The following BICC1 variants were observed in gnomAD, a reference collection of about 807,000 sequenced individuals.
BICC1 encodes the protein BicC family RNA binding protein 1.
Under a neutral mutation model 111.0 loss-of-function variants are expected in BICC1, and 43 were observed. The ratio of observed to expected loss-of-function variants is 0.39; its 90% CI spans 0.30 to 0.50. The LOEUF (loss-of-function observed/expected upper bound fraction) is 0.50, where lower values mean the gene tolerates loss of function less well. Ranked by LOEUF, BICC1 falls within the 20% of genes least tolerant of loss-of-function variation. The pLI is 0.88. For missense variants in BICC1, 1,091 were observed against 1,203.2 expected, an observed-to-expected ratio of 0.91 and a Z score of 1.38; for synonymous variants, 467 against 434.4, an observed-to-expected ratio of 1.07 and a Z score of -0.93.
intron 1 of BICC1, among the ~76,000 whole-genome samples, chr10:58,618,384 T>C (rs1340772719): frequency 6.6e-6 from 1 of 152,252 alleles, no homozygotes; most frequent in Non-Finnish European, 1.5e-5. Context: ...CATTAGGTGA[T>C]CACCCATGTG....
chr10:58,583,396 C>A (rs1000252735), intron 1 of BICC1, among the ~76,000 whole-genome samples: 13 of 150,932 alleles, frequency 8.6e-5, no homozygotes, highest in African/African-American at 2.7e-4. Flanking sequence ...TCCCCAAAGT[C>A]CATTATAACA....
At chr10:58,704,016 C>T (rs1364570590) in intron 3 of BICC1, among the ~76,000 whole-genome samples, 1 of 152,170 alleles carries the variant, frequency 6.6e-6, no homozygotes, top group African/African-American at 2.4e-5. Context: ...CAACATTAGA[C>T]ATTTCAGAAA....
At chr10:58,613,437 T>C (rs1376478835) in intron 1 of BICC1, among the ~76,000 whole-genome samples, 1 of 152,210 alleles carries the variant, frequency 6.6e-6, no homozygotes, top group African/African-American at 2.4e-5. Flanking sequence ...AATCAAACTT[T>C]AAAGGTCAAG....
intron 2 of BICC1, among the ~76,000 whole-genome samples, chr10:58,701,168 A>G (rs190845043): frequency 5.9e-5 from 9 of 152,302 alleles, no homozygotes; most frequent in Admixed American, 4.6e-4. Context: ...CTCAATCCAT[A>G]TTAAAGATAA....
In BICC1 at chr10:58,648,597, C is replaced by T. The variant is rs940633971; in HGVS notation, c.237+27696C>T. 3.1e-6 allele frequency: 3 copies of T among 981,538 alleles called. No individual in the cohort carries two copies. The African/African-American group carries it at 5.3e-5, about 17-fold the overall frequency. The allele number at this position is 981,538 out of a possible 1,614,324, so 60.8% of individuals were successfully genotyped here. Reference sequence around the variant, plus strand: ...GTATGTTTAGTGCCTCTCTCTCTCTCTTTCTCTCTCTCTTTCTCTCTTACA... The same window carrying T: ...GTATGTTTAGTGCCTCTCTCTCTCTTTTTCTCTCTCTCTTTCTCTCTTACA... On this transcript the variant is annotated intron_variant, in intron 2 of 20. Transcript: ENST00000373886.
At chr10:58,804,101 C>A (rs1486363994) in intron 15 of BICC1, among the ~76,000 whole-genome samples, 1 of 152,180 alleles carries the variant, frequency 6.6e-6, no homozygotes, top group African/African-American at 2.4e-5. Flanking sequence ...CCAGTGCAAT[C>A]TGCAGTTTAG....
intron 2 of BICC1, among the ~76,000 whole-genome samples, chr10:58,685,730 T>G (rs1343166360): frequency 2.6e-5 from 4 of 152,220 alleles, no homozygotes; most frequent in Non-Finnish European, 5.9e-5. Context: ...TAGATCTCCC[T>G]CCATCCCTTT....
At chr10:58,682,416 A>T (rs1240915277) in intron 2 of BICC1, among the ~76,000 whole-genome samples, 1 of 152,098 alleles carries the variant, frequency 6.6e-6, no homozygotes, top group Non-Finnish European at 1.5e-5. Flanking sequence ...TGGTATTTCT[A>T]GTTCTAGATC....
rs1842146044 is a variant in BICC1, at chr10:58,513,302, G to C, written c.159G>C (p.Val53=). 6.2e-7 allele frequency: 1 copy of C among 1,610,116 alleles called. No individual in the cohort carries two copies. The highest frequency in any genetic ancestry group is 1.3e-5 in the African/African-American group (1 of 74,820). Residue 53 remains valine (V), a synonymous_variant, in exon 1 of 21, where the codon GTG becomes GTC. Transcript: ENST00000373886. ...AGTGGAGCGAGGAGCGCTTCCGCGT[G>C]GACAGGAAGAAACTTGAGGCCATGT... ...SPEWSEERFR[V]DRKKLEAMLQ... is the part of the protein sequence containing the mutation.
At chr10:58,712,612 T>C (rs1310648680) in intron 3 of BICC1, among the ~76,000 whole-genome samples, 1 of 152,210 alleles carries the variant, frequency 6.6e-6, no homozygotes, top group African/African-American at 2.4e-5. Context: ...CTGGAAAGGC[T>C]ACATACTTTA....
intron 19 of BICC1, among the ~76,000 whole-genome samples, chr10:58,819,784 A>T (rs144163603): frequency 2.6e-5 from 4 of 152,090 alleles, no homozygotes; most frequent in Admixed American, 6.6e-5. Context: ...TCTTTAAAGG[A>T]AGGTGGGGGA....
chr10:58,600,196 CT>C (rs1265510968), intron 1 of BICC1, among the ~76,000 whole-genome samples: 4 of 152,102 alleles, frequency 2.6e-5, no homozygotes, highest in Admixed American at 1.3e-4. Flanking sequence ...CCAGCCCTTA[CT>C]GTTACAACAT....
rs61590839 is a variant in BICC1, at chr10:58,719,512, C to CT, written c.307+17381dup. Among the ~76,000 whole-genome samples, 619 of 146,900 alleles carry CT rather than the reference C, an allele frequency of 4.2e-3. 13 individuals carry two copies. The highest frequency in any genetic ancestry group is 0.015 in the African/African-American group (588 of 40,230). On this transcript the variant is annotated intron_variant, in intron 3 of 20. Transcript: ENST00000373886. ...TTCATGCTTACATTTGGGCACTTTT[C>CT]TTTTTTTTTTTTGAGACGGAGTCTC...
At chr10:58,529,480 T>C (rs761631140) in intron 1 of BICC1, among the ~76,000 whole-genome samples, 1 of 151,986 alleles carries the variant, frequency 6.6e-6, no homozygotes, top group Non-Finnish European at 1.5e-5. Context: ...GATCCCTTTA[T>C]CATGAGCTTT....
intron 1 of BICC1, among the ~76,000 whole-genome samples, chr10:58,538,133 C>T (rs1213351437): frequency 6.6e-6 from 1 of 151,556 alleles, no homozygotes; most frequent in Non-Finnish European, 1.5e-5. Context: ...ATAAAATTCA[C>T]ATGGAACCAA....
chr10:58,545,932 T>C (rs1361561776), intron 1 of BICC1, among the ~76,000 whole-genome samples: 4 of 152,036 alleles, frequency 2.6e-5, no homozygotes, highest in African/African-American at 9.7e-5. Context: ...GCTCTGGAGG[T>C]TGGGAGGGAT....
chr10:58,537,074 AAAAC>A (rs138814128), intron 1 of BICC1, among the ~76,000 whole-genome samples: 13,370 of 151,516 alleles, frequency 0.088, 676 homozygotes, highest in Middle Eastern at 0.12. Context: ...ACAAACCAAA[AAAAC>A]AAACCTGTCA....
At position 58,766,639 on chromosome 10, in the gene BICC1, A is replaced by G. The variant is rs539420412; in HGVS notation, c.308-18362A>G. Among the ~76,000 whole-genome samples, 13 of 152,184 alleles carry G rather than the reference A, an allele frequency of 8.5e-5. No individual in the cohort carries two copies. The South Asian group carries it at 2.7e-3, about 32-fold the overall frequency. On this transcript the variant is annotated intron_variant, in intron 3 of 20. Transcript: ENST00000373886. Reference sequence around the variant, plus strand: ...TCATGGACAAGAGTACCTTTGTGGGAGTCTGAGAGTCTAGCAGAGAAGTTC... The same window carrying G: ...TCATGGACAAGAGTACCTTTGTGGGGGTCTGAGAGTCTAGCAGAGAAGTTC...
At chr10:58,551,965 G>T (rs910106372) in intron 1 of BICC1, among the ~76,000 whole-genome samples, 2 of 35,670 alleles carry the variant, frequency 5.6e-5, no homozygotes, top group African/African-American at 2.1e-4. Context: ...AGTTTTTTTT[G>T]GGGGGGGATA....
Sources: gnomAD v4.1 joint callset for allele counts (sites outside exome capture counted in the v4.1 genomes callset) on GRCh38, gnomAD v4.1.1 for gene constraint, MANE v1.5 for transcripts, NCBI Gene and HGNC (gene_info 2026-07-23, HGNC 2026-07-21) for gene names.